Variants in NCALD observed in about 807,000 individuals in gnomAD.
NCALD encodes the protein neurocalcin delta, also known as neurocalcin-delta.
NCALD carries 10 observed loss-of-function variants against 18.6 expected under a neutral mutation model. The ratio of observed to expected loss-of-function variants is 0.54; its 90% confidence interval spans 0.33 to 0.91. NCALD has a LOEUF of 0.91. Among genes scored for constraint, NCALD ranks in the 40% least tolerant of loss-of-function variants. The pLI is 0.03. For missense variants in NCALD, 184 were observed against 247.6 expected (o/e 0.74, Z 1.72); for synonymous variants, 88 against 87.4 (o/e 1.01, Z -0.04).
At chr8:102,092,501 A>T (rs539741422) in intron 1 of NCALD, among the ~76,000 whole-genome samples, 2 of 152,052 alleles carry the variant, frequency 1.3e-5, no homozygotes, top group East Asian at 3.9e-4. Context: ...CCACCTTAAA[A>T]CTCAGTGGCT....
chr8:101,884,477 A>G, intron 4 of NCALD, among the ~76,000 whole-genome samples: 1 of 152,194 alleles, frequency 6.6e-6, no homozygotes, highest in East Asian at 1.9e-4. Context: ...TTCTAGAAAC[A>G]TAATCTATTA....
intron 2 of NCALD, among the ~76,000 whole-genome samples, chr8:101,954,324 G>A (rs1488194720): frequency 1.3e-5 from 2 of 152,072 alleles, no homozygotes; most frequent in African/African-American, 4.8e-5. Context: ...CTTCTCCCTT[G>A]CCCAGATGGG....
chr8:101,992,983 G>T (rs1012633532), intron 2 of NCALD, among the ~76,000 whole-genome samples: 2 of 147,828 alleles, frequency 1.4e-5, no homozygotes, highest in South Asian at 4.5e-4. Flanking sequence ...TAAATAGCTC[G>T]TCCAAGATAA....
At chr8:102,005,622 T>C (rs375895356) in intron 2 of NCALD, among the ~76,000 whole-genome samples, 3 of 152,084 alleles carry the variant, frequency 2.0e-5, no homozygotes, top group South Asian at 2.1e-4. Context: ...GACTTGGAAC[T>C]AACCCAAATG....
At chr8:101,977,231 A>T (rs757188333) in intron 2 of NCALD, among the ~76,000 whole-genome samples, 2 of 151,264 alleles carry the variant, frequency 1.3e-5, no homozygotes, top group Admixed American at 1.3e-4. Context: ...ATTTTTTTTT[A>T]CAGTGAAAAA....
intron 2 of NCALD, among the ~76,000 whole-genome samples, chr8:102,003,251 C>A (rs1387100961): frequency 6.6e-6 from 1 of 152,170 alleles, no homozygotes; most frequent in African/African-American, 2.4e-5. Context: ...ACTATAAACA[C>A]CTCTATGCAA....
chr8:101,835,337 C>A (rs556670706), intron 4 of NCALD, among the ~76,000 whole-genome samples: 1 of 152,224 alleles, frequency 6.6e-6, no homozygotes, highest in Non-Finnish European at 1.5e-5. Context: ...CTCCCAACCC[C>A]GCTTCCCTCC....
intron 4 of NCALD, among the ~76,000 whole-genome samples, chr8:101,807,037 C>T (rs930423012): frequency 6.6e-6 from 1 of 151,960 alleles, no homozygotes; most frequent in Admixed American, 6.6e-5. Flanking sequence ...AGCTGTCAAC[C>T]AAGAAGCCTA....
intron 1 of NCALD, among the ~76,000 whole-genome samples, chr8:101,764,443 A>G (rs1408677709): frequency 2.0e-5 from 3 of 152,176 alleles, no homozygotes; most frequent in Non-Finnish European, 4.4e-5. Flanking sequence ...ATTTTTAGCA[A>G]TATAGTGGCC....
Position 101,810,189 on chromosome 8 carries a change from A to G in NCALD, c.-20+76952T>C, listed in dbSNP as rs149179611. 2.7e-3 allele frequency among the ~76,000 whole-genome samples: 411 copies of G among 152,318 alleles called. 2 individuals carry two copies. The highest frequency in any genetic ancestry group is 9.3e-3 in the African/African-American group (385 of 41,566). On this transcript the variant is annotated intron_variant, in intron 4 of 6. Transcript: ENST00000311028. ...GAGAGTATAAACTTTGAAGTCAGGC[A>G]CACTCTGAATTAAACATGGACTCCC...
In NCALD at chr8:102,024,115, C is replaced by A. The variant is rs113865763; in HGVS notation, c.-209-3826G>T. On this transcript the variant is annotated intron_variant, in intron 1 of 6. Coordinates refer to the NCALD transcript ENST00000311028. ...AGATGTTGTACTTGTATATTTCATG[C>A]GTAACTGAATGGGAAAAAAACAGAA... 3.2e-3 allele frequency among the ~76,000 whole-genome samples: 489 copies of A among 152,178 alleles called. 3 individuals carry two copies. The highest frequency in any genetic ancestry group is 0.011 in the African/African-American group (459 of 41,514).
At chr8:101,691,932 G>T in intron 3 of NCALD, 2 of 985,404 alleles carry the variant, frequency 2.0e-6, no homozygotes, top group Non-Finnish European at 2.4e-6. Flanking sequence ...CTACAGAGCC[G>T]GGCCCTGAGC....
intron 2 of NCALD, among the ~76,000 whole-genome samples, chr8:101,948,740 C>T (rs1489825373): frequency 6.6e-6 from 1 of 152,118 alleles, no homozygotes. Flanking sequence ...ATTTCACAAC[C>T]CCAGAGTGCA....
At chr8:101,825,261 T>C (rs1010536743) in intron 4 of NCALD, among the ~76,000 whole-genome samples, 5 of 152,222 alleles carry the variant, frequency 3.3e-5, no homozygotes, top group Non-Finnish European at 7.3e-5. Flanking sequence ...ACCTCCAGTG[T>C]GCACAGCACA....
intron 3 of NCALD, among the ~76,000 whole-genome samples, chr8:101,892,955 G>A (rs1184975904): frequency 6.7e-6 from 1 of 149,340 alleles, no homozygotes; most frequent in African/African-American, 2.6e-5. Context: ...TATTATCCAG[G>A]AGAACTTCCC....
chr8:102,074,030 C>T (rs1162872296), intron 1 of NCALD, among the ~76,000 whole-genome samples: 2 of 152,136 alleles, frequency 1.3e-5, no homozygotes, highest in Non-Finnish European at 2.9e-5. Context: ...TGCTGTCTGT[C>T]CCATGGTATA....
chr8:102,036,003 A>G (rs925682897), intron 1 of NCALD, among the ~76,000 whole-genome samples: 7 of 152,144 alleles, frequency 4.6e-5, no homozygotes, highest in Admixed American at 1.3e-4. Flanking sequence ...GAAGATCAGA[A>G]GCTGGTCAGG....
At chr8:101,730,378 G>A (rs143874598) in intron 1 of NCALD, among the ~76,000 whole-genome samples, 5,857 of 150,516 alleles carry the variant, frequency 0.039, 160 homozygotes, top group Non-Finnish European at 0.055. Flanking sequence ...TACTCGGGAG[G>A]CTGAGGCAGG....
chr8:102,058,466 C>CA (rs1180260662), intron 1 of NCALD, among the ~76,000 whole-genome samples: 1 of 152,186 alleles, frequency 6.6e-6, no homozygotes, highest in Admixed American at 6.5e-5. Flanking sequence ...ATTTTTCCCC[C>CA]ACAAAGAAAG....
Sources: gnomAD v4.1 joint callset for allele counts (sites outside exome capture counted in the v4.1 genomes callset) on GRCh38, gnomAD v4.1.1 for gene constraint, MANE v1.5 for transcripts, NCBI Gene and HGNC (gene_info 2026-07-23, HGNC 2026-07-21) for gene names.